Variants in ZNF138 observed in about 807,000 individuals in gnomAD.
The protein encoded by ZNF138 is zinc finger protein 138.
In ZNF138, 33 loss-of-function variants were observed where a neutral mutation model predicts 33.0. The ratio of observed to expected loss-of-function variants is 1.00; its 90% confidence interval spans 0.76 to 1.34. The LOEUF is 1.34. ZNF138 is among the 40% of genes most tolerant of loss of function. The pLI, the probability that ZNF138 is intolerant of heterozygous loss-of-function variation, is 0.00. For missense variants in ZNF138, 360 were observed against 370.8 expected, an observed-to-expected ratio of 0.97 and a Z score of 0.24; for synonymous variants, 139 against 120.4, an observed-to-expected ratio of 1.15 and a Z score of -1.01.
the ZNF138 span, among the ~76,000 whole-genome samples, chr7:64,859,377 T>A: frequency 6.6e-6 from 1 of 152,340 alleles, no homozygotes; most frequent in Admixed American, 6.5e-5. Flanking sequence ...AAGGACATTA[T>A]TTATCTTTTG....
At chr7:64,838,377 A>C (rs4718135), downstream of ZNF138, among the ~76,000 whole-genome samples, 1 of 151,922 alleles carries the variant, frequency 6.6e-6, no homozygotes, top group Non-Finnish European at 1.5e-5. Context: ...GTTGCAAGGC[A>C]GGCAGGACGG....
At chr7:64,817,696 G>A (rs565375821) in intron 3 of ZNF138, among the ~76,000 whole-genome samples, 22 of 151,574 alleles carry the variant, frequency 1.5e-4, no homozygotes, top group Non-Finnish European at 2.7e-4. Flanking sequence ...TTGCTGTTGG[G>A]GCATAAAAAA....
chr7:64,846,808 T>C, the ZNF138 span, among the ~76,000 whole-genome samples: 1 of 152,200 alleles, frequency 6.6e-6, no homozygotes, highest in Non-Finnish European at 1.5e-5. Flanking sequence ...TGAATGAAAA[T>C]GGTGAGAGTG....
At position 64,794,573 on chromosome 7, in the gene ZNF138, T is replaced by C. The variant is rs544093804; in HGVS notation, c.3+2T>C. On this transcript the variant is annotated splice_donor_variant, in intron 1 of 3. Coordinates refer to ENST00000307355, the MANE Select transcript of ZNF138 (RefSeq NM_001271639.2). LOFTEE classifies it high-confidence loss of function. ...GGATCCCCCGGAAGCCTAGAAATGG[T>C]GAGAGTGCTGGGTCCGACATCCCGA... is the stretch of plus-strand genomic sequence containing the variant. 1.1e-4 allele frequency: 179 copies of C among 1,613,552 alleles called. No homozygotes were observed. The East Asian group carries it at 3.9e-3, about 36-fold the overall frequency.
At chr7:64,834,178 G>A (rs549462086), downstream of ZNF138, among the ~76,000 whole-genome samples, 42 of 152,076 alleles carry the variant, frequency 2.8e-4, no homozygotes, top group African/African-American at 9.9e-4. Flanking sequence ...TTCAACATCA[G>A]GGAATTTATA....
chr7:64,794,596 C>T (rs752809793), intron 1 of ZNF138, 25 bp downstream of exon 1: 1 of 1,613,226 alleles, frequency 6.2e-7, no homozygotes, highest in East Asian at 2.2e-5. Context: ...TCCGACATCC[C>T]GAGAGAGGGG....
chr7:64,813,922 T>C (rs923527090), intron 1 of ZNF138: 20 of 672,192 alleles, frequency 3.0e-5, no homozygotes, highest in Middle Eastern at 1.3e-3. Flanking sequence ...TACTTATTTT[T>C]CTCTGCATTA....
At chr7:64,809,950 C>T (rs1461456168) in intron 1 of ZNF138, among the ~76,000 whole-genome samples, 4 of 89,408 alleles carry the variant, frequency 4.5e-5, no homozygotes, top group African/African-American at 1.8e-4. Context: ...GGCGGCCGGG[C>T]GGAGACGCTC....
chr7:64,847,090 T>C, the ZNF138 span, among the ~76,000 whole-genome samples: 2 of 152,100 alleles, frequency 1.3e-5, no homozygotes, highest in Non-Finnish European at 2.9e-5. Flanking sequence ...AAACCATCCA[T>C]GAATCTTTGG....
the ZNF138 span, among the ~76,000 whole-genome samples, chr7:64,844,756 T>A: frequency 6.6e-6 from 1 of 152,102 alleles, no homozygotes; most frequent in African/African-American, 2.4e-5. Flanking sequence ...GCACAATCTC[T>A]GCTCACTGCA....
intron 3 of ZNF138, chr7:64,831,186 T>G (rs1790051431): frequency 2.1e-6 from 3 of 1,403,468 alleles, no homozygotes; most frequent in Non-Finnish European, 2.9e-6. Flanking sequence ...GTTGGGTAAA[T>G]GTAACAGACT....
chr7:64,814,439 G>A (rs533873853), intron 1 of ZNF138, among the ~76,000 whole-genome samples: 3 of 152,086 alleles, frequency 2.0e-5, no homozygotes, highest in Admixed American at 6.5e-5. Flanking sequence ...CTTTTCTCAG[G>A]GCAAGAAGTA....
At chr7:64,808,797 A>G (rs1045558315) in intron 1 of ZNF138, among the ~76,000 whole-genome samples, 3 of 122,770 alleles carry the variant, frequency 2.4e-5, no homozygotes, top group African/African-American at 5.3e-5. Flanking sequence ...GATGACTCTT[A>G]GCTGCCTTCA....
the ZNF138 span, among the ~76,000 whole-genome samples, chr7:64,859,952 C>T: frequency 2.2e-4 from 34 of 152,302 alleles, no homozygotes; most frequent in South Asian, 2.9e-3. Context: ...GCCTGACCAA[C>T]ATGGTGAAAC....
At chr7:64,838,061 G>A (rs1203960913), downstream of ZNF138, among the ~76,000 whole-genome samples, 1 of 152,112 alleles carries the variant, frequency 6.6e-6, no homozygotes, top group Non-Finnish European at 1.5e-5. Flanking sequence ...AAACAGAGTA[G>A]GTAGCCCTTG....
At chr7:64,835,823 C>T (rs1790351429), downstream of ZNF138, 2 of 152,126 alleles carry the variant, frequency 1.3e-5, no homozygotes, top group South Asian at 4.1e-4. Flanking sequence ...GTGAGGGCTC[C>T]TTTTCCTAGC....
chr7:64,828,894 T>G (rs1372915331), intron 3 of ZNF138, among the ~76,000 whole-genome samples: 1 of 152,160 alleles, frequency 6.6e-6, no homozygotes, highest in Non-Finnish European at 1.5e-5. Flanking sequence ...TGGAAAACAT[T>G]GCATTAAATC....
intron 1 of ZNF138, 103 bp from the exon 2 acceptor site, chr7:64,814,815 T>C: frequency 7.0e-7 from 1 of 1,437,820 alleles, no homozygotes; most frequent in Non-Finnish European, 9.6e-7. Context: ...TAAGACATAA[T>C]CAGTTTTCCT....
rs543331599 is a variant in ZNF138, at chr7:64,810,936, G to T, written c.4-3982G>T. ...ATGTATTTTAGGGTCTTAATTTTTA[G>T]TTTTTTTATTAAAACCAGTGCTTGC... On this transcript the variant is annotated intron_variant, in intron 1 of 3. Coordinates refer to ENST00000307355, the MANE Select transcript of ZNF138 (RefSeq NM_001271639.2). Among the ~76,000 whole-genome samples the T allele has an allele frequency of 7.9e-5, 12 of 151,394 alleles. No homozygotes were observed. In the South Asian group the frequency reaches 2.5e-3, roughly 32 times the overall value.
Sources: gnomAD v4.1 joint callset for allele counts (sites outside exome capture counted in the v4.1 genomes callset) on GRCh38, gnomAD v4.1.1 for gene constraint, MANE v1.5 for transcripts, NCBI Gene and HGNC (gene_info 2026-07-23, HGNC 2026-07-21) for gene names.